WWOX: variants seen among roughly 807,000 people sequenced by gnomAD.
The protein encoded by WWOX is WW domain-containing oxidoreductase.
WWOX carries 69 observed loss-of-function variants against 46.2 expected under a neutral mutation model. The observed-to-expected ratio is 1.49, with a 90% CI of 1.23 to 1.82. The LOEUF (loss-of-function observed/expected upper bound fraction) is 1.82. WWOX is among the 40% of genes most tolerant of loss of function. The pLI is 0.00. For missense variants in WWOX, 919 were observed against 542.6 expected, an observed-to-expected ratio of 1.69 and a Z score of -6.89; for synonymous variants, 359 against 202.6, an observed-to-expected ratio of 1.77 and a Z score of -6.56.
At chr16:78,560,139 A>G (rs1000698036) in intron 8 of WWOX, among the ~76,000 whole-genome samples, 8 of 152,210 alleles carry the variant, frequency 5.3e-5, no homozygotes, top group African/African-American at 1.4e-4. Flanking sequence ...TTCTATACAA[A>G]AAATATGCAT....
intron 5 of WWOX, among the ~76,000 whole-genome samples, chr16:78,315,208 C>A (rs1216456056): frequency 1.3e-5 from 2 of 152,166 alleles, no homozygotes; most frequent in South Asian, 2.1e-4. Context: ...AAACAGCTAC[C>A]TTTTCCTTGA....
At position 78,766,752 on chromosome 16, in the gene WWOX, T is replaced by C. The variant is rs919903868; in HGVS notation, c.1056+334000T>C. Among the ~76,000 whole-genome samples the C allele has an allele frequency of 3.3e-5, 5 of 152,246 alleles. No homozygotes were observed. The East Asian group carries it at 5.8e-4, about 18-fold the overall frequency. ...GATCAAGCTCTTCCACAGATTTTAATGTTCAGGTTTTGTGACCTTTACTTT... is the reference window on the plus strand; with the variant it reads ...GATCAAGCTCTTCCACAGATTTTAACGTTCAGGTTTTGTGACCTTTACTTT... On this transcript the variant is annotated intron_variant, in intron 8 of 8. Coordinates refer to ENST00000566780, the MANE Select transcript of WWOX (RefSeq NM_016373.4).
chr16:78,462,451 A>T (rs548192407), intron 8 of WWOX, among the ~76,000 whole-genome samples: 1 of 152,278 alleles, frequency 6.6e-6, no homozygotes, highest in South Asian at 2.1e-4. Flanking sequence ...CATAAAGGAA[A>T]CTGCACTCAC....
intron 8 of WWOX, among the ~76,000 whole-genome samples, chr16:78,972,230 G>A (rs1324635319): frequency 6.6e-6 from 1 of 152,086 alleles, no homozygotes; most frequent in Non-Finnish European, 1.5e-5. Context: ...CAGACAAAGA[G>A]CCAAATTTAA....
intron 5 of WWOX, among the ~76,000 whole-genome samples, chr16:78,201,295 G>A (rs920166433): frequency 6.6e-6 from 1 of 152,156 alleles, no homozygotes; most frequent in Admixed American, 6.5e-5. Context: ...ATTATGTGGG[G>A]AATGTGGAAA....
chr16:78,355,630 C>G, intron 5 of WWOX: 2 of 597,412 alleles, frequency 3.3e-6, no homozygotes, highest in South Asian at 2.9e-5. Flanking sequence ...AAATGAGAAA[C>G]GACCGAGAGC....
intron 8 of WWOX, chr16:79,203,942 ATCT>A (rs771565584): frequency 5.9e-5 from 9 of 152,204 alleles, no homozygotes; most frequent in Admixed American, 1.3e-4. Flanking sequence ...CACACTAAAT[ATCT>A]TCTTTTATAT....
chr16:79,061,621 A>G (rs1419135558), intron 8 of WWOX, among the ~76,000 whole-genome samples: 2 of 152,342 alleles, frequency 1.3e-5, no homozygotes, highest in East Asian at 1.9e-4. Context: ...CTGTGTGAGC[A>G]CTGATCCATG....
intron 8 of WWOX, among the ~76,000 whole-genome samples, chr16:79,047,007 A>G (rs1055764953): frequency 1.3e-5 from 2 of 152,214 alleles, no homozygotes; most frequent in Admixed American, 6.5e-5. Flanking sequence ...CAATAAAGCA[A>G]CTGACCTTTT....
intron 8 of WWOX, among the ~76,000 whole-genome samples, chr16:78,740,784 C>G (rs1159123345): frequency 2.0e-5 from 3 of 152,180 alleles, no homozygotes; most frequent in Admixed American, 6.5e-5. Context: ...TTGCAGCACT[C>G]TGTGTGTGTA....
intron 5 of WWOX, among the ~76,000 whole-genome samples, chr16:78,334,634 A>G (rs2080837759): frequency 6.6e-6 from 1 of 152,172 alleles, no homozygotes; most frequent in African/African-American, 2.4e-5. Flanking sequence ...AACTAATTAT[A>G]TGTATTATAA....
intron 8 of WWOX, among the ~76,000 whole-genome samples, chr16:79,153,888 T>G (rs1328527329): frequency 6.6e-6 from 1 of 152,116 alleles, no homozygotes; most frequent in Non-Finnish European, 1.5e-5. Context: ...GTATGGCCCC[T>G]AAGGTTTGAA....
chr16:78,716,999 T>C (rs1172409429), intron 8 of WWOX, among the ~76,000 whole-genome samples: 1 of 152,202 alleles, frequency 6.6e-6, no homozygotes, highest in Non-Finnish European at 1.5e-5. Flanking sequence ...ATTAGGCTAA[T>C]AACACCTCCC....
intron 8 of WWOX, among the ~76,000 whole-genome samples, chr16:78,850,565 C>A (rs1046826157): frequency 2.0e-5 from 3 of 151,984 alleles, no homozygotes; most frequent in Admixed American, 6.6e-5. Flanking sequence ...CTGTTTAGTC[C>A]CCTCTCCCCC....
At chr16:78,833,451 T>G (rs1211917633) in intron 8 of WWOX, among the ~76,000 whole-genome samples, 1 of 149,078 alleles carries the variant, frequency 6.7e-6, no homozygotes, top group Non-Finnish European at 1.5e-5. Flanking sequence ...CTCCTCCTCC[T>G]GCTTTCTATT....
At chr16:78,900,057 CT>C (rs754732541) in intron 8 of WWOX, among the ~76,000 whole-genome samples, 1,873 of 102,172 alleles carry the variant, frequency 0.018, 19 homozygotes, top group East Asian at 0.046. Flanking sequence ...GCCCTCCTGA[CT>C]TTTTTTTTTT....
chr16:78,757,110 AG>A, intron 8 of WWOX: 1 of 690,436 alleles, frequency 1.4e-6, no homozygotes. Context: ...ACTTTATTTG[AG>A]CCCCTATCTA....
intron 8 of WWOX, among the ~76,000 whole-genome samples, chr16:78,598,746 G>C (rs1476911388): frequency 6.6e-6 from 1 of 152,178 alleles, no homozygotes; most frequent in Admixed American, 6.5e-5. Context: ...TGCCTGGAAA[G>C]GTCACTGGAG....
chr16:79,174,478 G>A (rs989757361), intron 8 of WWOX, among the ~76,000 whole-genome samples: 36 of 152,140 alleles, frequency 2.4e-4, no homozygotes, highest in African/African-American at 7.7e-4. Context: ...GTGAAACCCC[G>A]TCTCTACTAA....
Sources: gnomAD v4.1 joint callset for allele counts (sites outside exome capture counted in the v4.1 genomes callset) on GRCh38, gnomAD v4.1.1 for gene constraint, MANE v1.5 for transcripts, NCBI Gene and HGNC (gene_info 2026-07-23, HGNC 2026-07-21) for gene names.